UGT1A6: variants seen among roughly 807,000 people sequenced by gnomAD.
The protein encoded by UGT1A6 is UDP glucuronosyltransferase family 1 member A6, also known as UDP-glucuronosyltransferase 1A6.
UGT1A6 carries 32 observed loss-of-function variants against 44.4 expected under a neutral mutation model. The observed-to-expected ratio is 0.72, with a 90% CI of 0.54 to 0.97. The LOEUF is 0.97. UGT1A6 is among the 50% of genes least tolerant of loss of function. The pLI, the probability that UGT1A6 is intolerant of heterozygous loss-of-function variation, is 0.00. For missense variants in UGT1A6, 685 were observed against 661.9 expected, an observed-to-expected ratio of 1.03 and a Z score of -0.38; for synonymous variants, 238 against 248.5, an observed-to-expected ratio of 0.96 and a Z score of 0.40.
chr2:233,767,710 G>A, intron 2 of UGT1A6, 139 bp from the exon 3 acceptor site: 1 of 1,527,870 alleles, frequency 6.5e-7, no homozygotes, highest in Non-Finnish European at 8.8e-7. Context: ...GTCCTCAGAA[G>A]CCTTCACAGT....
upstream of UGT1A6, chr2:233,692,487 T>G: frequency 1.2e-5 from 2 of 165,804 alleles, no homozygotes; most frequent in Admixed American, 1.1e-4. Context: ...AGGGCAGTCT[T>G]GTAGGACTGA....
At chr2:233,745,465 G>C (rs1164210387) in intron 1 of UGT1A6, among the ~76,000 whole-genome samples, 3 of 151,586 alleles carry the variant, frequency 2.0e-5, no homozygotes, top group Non-Finnish European at 2.9e-5. Flanking sequence ...AGTTCTAAGG[G>C]GAAAATGATT....
At chr2:233,712,758 C>T (rs4556969) in intron 1 of UGT1A6, among the ~76,000 whole-genome samples, 15,431 of 152,146 alleles carry the variant, frequency 0.1, 905 homozygotes, top group East Asian at 0.2. Context: ...CCAGAGCGAG[C>T]GCAAGGTCAG....
intron 1 of UGT1A6, among the ~76,000 whole-genome samples, chr2:233,761,761 G>A (rs990120638): frequency 6.6e-6 from 1 of 152,174 alleles, no homozygotes; most frequent in African/African-American, 2.4e-5. Flanking sequence ...TATGCAAAAA[G>A]TAGCATTCAC....
At chr2:233,718,650 G>C (rs762582073) in intron 1 of UGT1A6, 2 of 1,506,594 alleles carry the variant, frequency 1.3e-6, no homozygotes, top group Non-Finnish European at 1.8e-6. Context: ...GGCCCATAAC[G>C]AAAGGCAGTT....
intron 4 of UGT1A6, chr2:233,770,022 T>G (rs12474441): frequency 0.019 from 3,075 of 161,660 alleles, 63 homozygotes; most frequent in Admixed American, 0.065. Context: ...CTTCTTTCCC[T>G]GCACTGTTGA....
At chr2:233,760,415 T>C in intron 1 of UGT1A6, 2 of 1,614,208 alleles carry the variant, frequency 1.2e-6, no homozygotes, top group Admixed American at 1.7e-5. Flanking sequence ...TGGCTGAGCA[T>C]GCTTGGGGCC....
At chr2:233,762,330 T>C (rs150255996) in intron 1 of UGT1A6, among the ~76,000 whole-genome samples, 11 of 152,350 alleles carry the variant, frequency 7.2e-5, no homozygotes, top group African/African-American at 1.9e-4. Flanking sequence ...TAATCCACAA[T>C]AGCTCTTTTT....
upstream of UGT1A6, chr2:233,692,825 T>C: frequency 4.2e-6 from 6 of 1,437,362 alleles, no homozygotes; most frequent in Non-Finnish European, 3.6e-6. Flanking sequence ...ATTAACCATG[T>C]GATTAAAATG....
At chr2:233,727,965 GGT>G (rs2077670166) in intron 1 of UGT1A6, among the ~76,000 whole-genome samples, 2 of 152,222 alleles carry the variant, frequency 1.3e-5, no homozygotes, top group South Asian at 4.1e-4. Context: ...ATCATCCTGA[GGT>G]GACCAGGACA....
chr2:233,713,751 G>C, intron 1 of UGT1A6: 1 of 1,613,962 alleles, frequency 6.2e-7, no homozygotes, highest in South Asian at 1.1e-5. Flanking sequence ...CCATGCATCT[G>C]TGTGGCTGTT....
intron 1 of UGT1A6, among the ~76,000 whole-genome samples, chr2:233,714,816 G>A (rs1447041593): frequency 6.6e-6 from 1 of 152,208 alleles, no homozygotes; most frequent in African/African-American, 2.4e-5. Context: ...TATGTAGTTA[G>A]TGACAACAAT....
At chr2:233,755,334 C>A (rs1041656249) in intron 1 of UGT1A6, 2 of 456,396 alleles carry the variant, frequency 4.4e-6, no homozygotes, top group Non-Finnish European at 7.5e-6. Flanking sequence ...AGCACCCGCG[C>A]ACAGGTCAGA....
At chr2:233,720,118 G>C (rs1261428456) in intron 1 of UGT1A6, among the ~76,000 whole-genome samples, 1 of 152,216 alleles carries the variant, frequency 6.6e-6, no homozygotes, top group African/African-American at 2.4e-5. Flanking sequence ...GAAAGATACA[G>C]AGGTGACCAC....
chr2:233,698,436 A>T (rs1260563861), intron 1 of UGT1A6, among the ~76,000 whole-genome samples: 2 of 152,326 alleles, frequency 1.3e-5, no homozygotes, highest in African/African-American at 4.8e-5. Flanking sequence ...AGAAAAGAAG[A>T]TATATCACAG....
intron 1 of UGT1A6, among the ~76,000 whole-genome samples, chr2:233,724,281 C>G (rs1325936815): frequency 2.7e-5 from 3 of 112,012 alleles, no homozygotes; most frequent in Admixed American, 8.5e-5. Flanking sequence ...GCTGGCCGGG[C>G]GGGGGGCTGA....
intron 1 of UGT1A6, chr2:233,717,692 T>TTC: frequency 2.3e-6 from 1 of 443,544 alleles, no homozygotes; most frequent in Non-Finnish European, 4.6e-6. Context: ...AGGAGTGACT[T>TTC]TCTGGAGCAG....
chr2:233,761,186 T>C, intron 1 of UGT1A6: 1 of 1,614,212 alleles, frequency 6.2e-7, no homozygotes. Context: ...CATGCGTATA[T>C]TCTTTCAGAT....
chr2:233,757,752 A>C (rs979747575), intron 1 of UGT1A6, among the ~76,000 whole-genome samples: 1 of 151,642 alleles, frequency 6.6e-6, no homozygotes, highest in Non-Finnish European at 1.5e-5. Flanking sequence ...GGACATGTTT[A>C]TGTTGCTCCT....
Sources: gnomAD v4.1 joint callset for allele counts (sites outside exome capture counted in the v4.1 genomes callset) on GRCh38, gnomAD v4.1.1 for gene constraint, MANE v1.5 for transcripts, NCBI Gene and HGNC (gene_info 2026-07-23, HGNC 2026-07-21) for gene names.